The following NALF1 variants were observed in gnomAD, a reference collection of about 807,000 sequenced individuals.
The protein encoded by NALF1 is family with sequence similarity 155 member A.
Under a neutral mutation model 48.4 loss-of-function variants are expected in NALF1, and 3 were observed. That is an observed-to-expected ratio of 0.06 (90% CI 0.03 to 0.16). The LOEUF is 0.16. NALF1 is among the 10% of genes least tolerant of loss of function. The pLI is 1.00. For missense variants in NALF1, 526 were observed against 571.5 expected, an observed-to-expected ratio of 0.92 and a Z score of 0.81; for synonymous variants, 262 against 245.7, an observed-to-expected ratio of 1.07 and a Z score of -0.62.
intron 1 of NALF1, among the ~76,000 whole-genome samples, chr13:107,459,825 C>T (rs1884888628): frequency 6.6e-6 from 1 of 152,130 alleles, no homozygotes; most frequent in Non-Finnish European, 1.5e-5. Context: ...ACTGCAGCCT[C>T]GACCTCCCAA....
intron 1 of NALF1, among the ~76,000 whole-genome samples, chr13:107,469,162 G>T (rs1055464898): frequency 2.0e-5 from 3 of 152,026 alleles, no homozygotes; most frequent in Non-Finnish European, 2.9e-5. Context: ...CATAAAAAAA[G>T]GTGTCATAAA....
chr13:107,830,787 G>A (rs1879695905), intron 1 of NALF1, among the ~76,000 whole-genome samples: 1 of 152,174 alleles, frequency 6.6e-6, no homozygotes. Flanking sequence ...ATGTGCCACT[G>A]ACGCATGTGT....
At chr13:107,621,776 C>T (rs780083400) in intron 1 of NALF1, among the ~76,000 whole-genome samples, 28 of 152,228 alleles carry the variant, frequency 1.8e-4, no homozygotes, top group Admixed American at 5.2e-4. Context: ...ATGAGGAAGA[C>T]CTAGAGGAGG....
intron 1 of NALF1, among the ~76,000 whole-genome samples, chr13:107,510,925 A>T (rs1875867846): frequency 6.6e-6 from 1 of 152,202 alleles, no homozygotes; most frequent in Admixed American, 6.5e-5. Flanking sequence ...ATTTATTAAG[A>T]TTCTCCAGTT....
At chr13:107,507,660 G>A (rs150887988) in intron 1 of NALF1, among the ~76,000 whole-genome samples, 21 of 140,338 alleles carry the variant, frequency 1.5e-4, no homozygotes, top group South Asian at 1.4e-3. Flanking sequence ...ATTGCAGAGC[G>A]ACTTTTTCTA....
chr13:107,451,359 G>A (rs374892934), intron 1 of NALF1, among the ~76,000 whole-genome samples: 1 of 152,150 alleles, frequency 6.6e-6, no homozygotes, highest in African/African-American at 2.4e-5. Flanking sequence ...CTTCTTTTGA[G>A]GCACATGTGC....
chr13:107,594,875 T>C (rs1878698380), intron 1 of NALF1, among the ~76,000 whole-genome samples: 1 of 151,976 alleles, frequency 6.6e-6, no homozygotes, highest in East Asian at 1.9e-4. Flanking sequence ...TACACGTATA[T>C]CTGAATCAAA....
intron 1 of NALF1, among the ~76,000 whole-genome samples, chr13:107,812,814 A>C (rs1879038099): frequency 6.6e-6 from 1 of 151,836 alleles, no homozygotes; most frequent in Admixed American, 6.6e-5. Context: ...TTGGTTCGTT[A>C]GTTTGAGACA....
chr13:107,511,466 T>C (rs1456365083), intron 1 of NALF1, among the ~76,000 whole-genome samples: 3 of 152,108 alleles, frequency 2.0e-5, no homozygotes, highest in Admixed American at 6.6e-5. Context: ...AAAATAATAA[T>C]GCACAATGTT....
At chr13:107,328,420 A>G (rs1447734174) in intron 1 of NALF1, among the ~76,000 whole-genome samples, 1 of 152,118 alleles carries the variant, frequency 6.6e-6, no homozygotes, top group Non-Finnish European at 1.5e-5. Flanking sequence ...CTTTTCTTGT[A>G]CTTTGTTCAA....
chr13:107,665,873 C>T (rs1394144686), intron 1 of NALF1, among the ~76,000 whole-genome samples: 1 of 152,050 alleles, frequency 6.6e-6, no homozygotes, highest in South Asian at 2.1e-4. Context: ...AGTGATGATG[C>T]CAGCCATTTA....
At chr13:107,172,018 C>T (rs978222649) in intron 2 of NALF1, among the ~76,000 whole-genome samples, 2 of 152,142 alleles carry the variant, frequency 1.3e-5, no homozygotes, top group Non-Finnish European at 2.9e-5. Flanking sequence ...ATCTAAAGGT[C>T]TCTCCTCTCT....
chr13:107,283,100 T>A (rs1881420823), intron 1 of NALF1, among the ~76,000 whole-genome samples: 1 of 151,980 alleles, frequency 6.6e-6, no homozygotes. Context: ...CCCTCAGTGG[T>A]GGGAGAAACT....
chr13:107,516,983 AGG>A (rs1282617687), intron 1 of NALF1, among the ~76,000 whole-genome samples: 1 of 152,184 alleles, frequency 6.6e-6, no homozygotes, highest in Admixed American at 6.5e-5. Flanking sequence ...GTGGATGAAG[AGG>A]TAGGATGGTG....
intron 2 of NALF1, among the ~76,000 whole-genome samples, chr13:107,185,415 T>C (rs1018240845): frequency 3.5e-5 from 4 of 114,234 alleles, no homozygotes; most frequent in African/African-American, 1.4e-4. Context: ...TCTCTCTCTC[T>C]CTTTCTATTT....
chr13:107,180,423 A>G (rs1194406677), intron 2 of NALF1, among the ~76,000 whole-genome samples: 1 of 152,070 alleles, frequency 6.6e-6, no homozygotes, highest in Non-Finnish European at 1.5e-5. Flanking sequence ...TACGATCTTT[A>G]TCTCAGTAAT....
intron 1 of NALF1, among the ~76,000 whole-genome samples, chr13:107,236,779 G>A (rs762395145): frequency 6.6e-6 from 1 of 151,402 alleles, no homozygotes. Flanking sequence ...CTGCATCCAT[G>A]GATTCAAGCA....
chr13:107,545,142 T>C (rs1303771447), intron 1 of NALF1, among the ~76,000 whole-genome samples: 6 of 152,134 alleles, frequency 3.9e-5, no homozygotes, highest in Non-Finnish European at 4.4e-5. Context: ...GTTCCTAGGG[T>C]GGAGCCTAAT....
At chr13:107,782,988 G>A (rs1164481452) in intron 1 of NALF1, among the ~76,000 whole-genome samples, 125 of 142,554 alleles carry the variant, frequency 8.8e-4, no homozygotes, top group South Asian at 1.6e-3. Context: ...CCCCCCGCCC[G>A]GCCAGCCGCC....
Sources: gnomAD v4.1 joint callset for allele counts (sites outside exome capture counted in the v4.1 genomes callset) on GRCh38, gnomAD v4.1.1 for gene constraint, MANE v1.5 for transcripts, NCBI Gene and HGNC (gene_info 2026-07-23, HGNC 2026-07-21) for gene names.